ZRANB3: variants seen among roughly 807,000 people sequenced by gnomAD.
ZRANB3 encodes zinc finger RANBP2-type containing 3, also known as DNA annealing helicase and endonuclease ZRANB3.
ZRANB3 carries 125 observed loss-of-function variants against 133.8 expected under a neutral mutation model. The observed-to-expected ratio is 0.93, with a 90% CI of 0.81 to 1.08. ZRANB3 has a LOEUF of 1.08. Among genes scored for constraint, ZRANB3 ranks in the 50% least tolerant of loss-of-function variants. ZRANB3 has a pLI of 0.00. For missense variants in ZRANB3, 1,229 were observed against 1,275.5 expected, an observed-to-expected ratio of 0.96 and a Z score of 0.56; for synonymous variants, 387 against 432.7, an observed-to-expected ratio of 0.89 and a Z score of 1.31.
At chr2:135,303,881 C>A (rs1412847771) in intron 8 of ZRANB3, among the ~76,000 whole-genome samples, 1 of 152,054 alleles carries the variant, frequency 6.6e-6, no homozygotes, top group Non-Finnish European at 1.5e-5. Context: ...TAAATTAGTT[C>A]ATGATTTTGG....
chr2:135,238,187 G>A (rs548047682), intron 12 of ZRANB3, among the ~76,000 whole-genome samples: 1 of 152,218 alleles, frequency 6.6e-6, no homozygotes, highest in Non-Finnish European at 1.5e-5. Flanking sequence ...AGGTGGAGTT[G>A]GGAACTATGT....
intron 1 of ZRANB3, among the ~76,000 whole-genome samples, chr2:135,525,396 G>C: frequency 6.6e-6 from 1 of 152,196 alleles, no homozygotes; most frequent in South Asian, 2.1e-4. Flanking sequence ...GAGCAACTTA[G>C]AAATCACAGA....
At chr2:135,438,700 A>G (rs1373531796) in intron 2 of ZRANB3, among the ~76,000 whole-genome samples, 1 of 152,102 alleles carries the variant, frequency 6.6e-6, no homozygotes, top group Non-Finnish European at 1.5e-5. Context: ...CAACTCCATT[A>G]TGTATTAACT....
intron 10 of ZRANB3, 80 bp downstream of exon 10, chr2:135,271,688 T>C (rs1198652836): frequency 6.8e-7 from 1 of 1,478,820 alleles, no homozygotes; most frequent in Non-Finnish European, 9.0e-7. Context: ...TACAAGTTTA[T>C]AAACCAAAGT....
chr2:135,304,940 A>G (rs1395251153), intron 8 of ZRANB3, among the ~76,000 whole-genome samples: 1 of 151,858 alleles, frequency 6.6e-6, no homozygotes, highest in Non-Finnish European at 1.5e-5. Context: ...TTTAAGTTTT[A>G]CAAGTTTTAT....
In ZRANB3 at chr2:135,230,913, T is replaced by A; in HGVS notation, c.1554A>T (p.Lys518Asn). Residue 518 changes from lysine (K) to asparagine (N), a missense_variant, in exon 13 of 21, where the codon AAA becomes AAT. By Grantham distance (94) the Lys-to-Asn change is moderately conservative. Coordinates refer to ENST00000264159, the MANE Select transcript of ZRANB3 (RefSeq NM_032143.4). ...EALFTHFEKE[K>N]QHDIRSFFVP... ...CAAAAAATGATCGAATATCATGCTG[T>A]TTTTCTTTTTCGAACTAGGAAAAGC... The A allele has an allele frequency of 6.5e-7, 1 of 1,549,838 alleles. No homozygotes were observed. The highest frequency in any genetic ancestry group is 8.7e-7 in the Non-Finnish European group (1 of 1,150,436).
At chr2:135,227,028 T>C (rs145393676) in intron 14 of ZRANB3, among the ~76,000 whole-genome samples, 134 of 152,344 alleles carry the variant, frequency 8.8e-4, no homozygotes, top group Non-Finnish European at 1.6e-3. Flanking sequence ...TGAGTCAGAC[T>C]CTAAATTATA....
intron 12 of ZRANB3, among the ~76,000 whole-genome samples, chr2:135,240,489 T>C (rs557673513): frequency 1.2e-4 from 19 of 152,364 alleles, no homozygotes; most frequent in Admixed American, 3.9e-4. Context: ...GTTTTTCTGA[T>C]AGAGGTAAAC....
rs764989001 is a variant in ZRANB3 at position 135,217,458 on chromosome 2, C to T, written c.2495+7G>A. On this transcript the variant is annotated splice_region_variant and intron_variant, in intron 17 of 20. Coordinates refer to ENST00000264159, the MANE Select transcript of ZRANB3 (RefSeq NM_032143.4). ...TAATACAAAATTTAAAAAAAGACAA[C>T]TCATACCTTTTGGTGCAATTTTGTT... 1.2e-6 allele frequency: 2 copies of T among 1,600,230 alleles called. No individual in the cohort carries two copies. The highest frequency in any genetic ancestry group is 2.3e-5 in the South Asian group (2 of 87,440).
chr2:135,365,830 C>G (rs564120319), intron 3 of ZRANB3, among the ~76,000 whole-genome samples: 1 of 152,066 alleles, frequency 6.6e-6, no homozygotes, highest in African/African-American at 2.4e-5. Context: ...TGTGGCAACA[C>G]TATAATTAAT....
chr2:135,355,514 C>T (rs1201495200), intron 3 of ZRANB3, among the ~76,000 whole-genome samples: 1 of 152,002 alleles, frequency 6.6e-6, no homozygotes, highest in Non-Finnish European at 1.5e-5. Flanking sequence ...TGCCCCACCA[C>T]GCCTGGCTAA....
intron 6 of ZRANB3, among the ~76,000 whole-genome samples, chr2:135,338,186 A>T (rs1303946449): frequency 6.6e-6 from 1 of 152,224 alleles, no homozygotes; most frequent in Non-Finnish European, 1.5e-5. Flanking sequence ...TACAAAAAAA[A>T]CCCAGATCCA....
chr2:135,224,008 T>A (rs1227278385), intron 15 of ZRANB3, among the ~76,000 whole-genome samples: 1 of 152,368 alleles, frequency 6.6e-6, no homozygotes, highest in East Asian at 1.9e-4. Context: ...CTGCATTTTA[T>A]TTTTTATTAT....
chr2:135,314,439 A>C (rs1683157969), intron 7 of ZRANB3, among the ~76,000 whole-genome samples: 1 of 152,222 alleles, frequency 6.6e-6, no homozygotes, highest in Non-Finnish European at 1.5e-5. Context: ...AATGCTTATA[A>C]GCTTTCAAGA....
chr2:135,205,739 AAAT>A (rs1693828484), intron 19 of ZRANB3, among the ~76,000 whole-genome samples: 1 of 152,246 alleles, frequency 6.6e-6, no homozygotes, highest in South Asian at 2.1e-4. Context: ...AGTGTTCTAT[AAAT>A]AATAATTTGT....
Position 135,200,085 on chromosome 2 carries a change from A to C in ZRANB3, c.*257T>G. 1 of 533,566 alleles carries C rather than the reference A, an allele frequency of 1.9e-6. No homozygotes were observed. Among genetic ancestry groups the C allele is most frequent in the Non-Finnish European group, 3.4e-6 (1 of 294,380 alleles). 33.1% of individuals were successfully genotyped at this position (533,566 alleles called of 1,614,324 possible). ...GCATATTAGGGGTAAAGAGCTTTAC[A>C]AAACATTGCTGAAACATAATTGCGA... On this transcript the variant is annotated 3_prime_UTR_variant, in exon 21 of 21. Transcript: ENST00000264159.
At chr2:135,500,739 T>A (rs1015042464) in intron 2 of ZRANB3, among the ~76,000 whole-genome samples, 14 of 141,390 alleles carry the variant, frequency 9.9e-5, no homozygotes, top group African/African-American at 3.4e-4. Context: ...CCTTTGTCCA[T>A]GTAAATTACA....
At chr2:135,382,743 CT>C (rs1686776384) in intron 3 of ZRANB3, among the ~76,000 whole-genome samples, 1 of 152,152 alleles carries the variant, frequency 6.6e-6, no homozygotes, top group Admixed American at 6.5e-5. Flanking sequence ...CGAAACTAAG[CT>C]TCATAAGTGA....
chr2:135,353,666 T>G (rs1685309222), intron 3 of ZRANB3, 38 bp from the exon 4 acceptor site: 1 of 1,238,794 alleles, frequency 8.1e-7, no homozygotes, highest in African/African-American at 1.6e-5. Flanking sequence ...TAATAGAGCC[T>G]AAAATATTTT....
Sources: gnomAD v4.1 joint callset for allele counts (sites outside exome capture counted in the v4.1 genomes callset) on GRCh38, gnomAD v4.1.1 for gene constraint, MANE v1.5 for transcripts, NCBI Gene and HGNC (gene_info 2026-07-23, HGNC 2026-07-21) for gene names.